The following CPNE8 variants were observed in gnomAD, a reference collection of about 807,000 sequenced individuals.
CPNE8 encodes copine-8.
Under a neutral mutation model 81.5 loss-of-function variants are expected in CPNE8, and 45 were observed. That is an observed-to-expected ratio of 0.55 (90% confidence interval 0.44 to 0.71). CPNE8 has a LOEUF of 0.71. CPNE8 is among the 30% of genes least tolerant of loss of function. CPNE8 has a pLI of 0.00. For missense variants in CPNE8, 594 were observed against 672.1 expected, an observed-to-expected ratio of 0.88 and a Z score of 1.28; for synonymous variants, 252 against 226.3, an observed-to-expected ratio of 1.11 and a Z score of -1.02.
At chr12:38,884,124 C>T (rs1304857988) in intron 1 of CPNE8, among the ~76,000 whole-genome samples, 1 of 152,166 alleles carries the variant, frequency 6.6e-6, no homozygotes, top group Non-Finnish European at 1.5e-5. Context: ...ACTACTACCA[C>T]TATCTAATTT....
chr12:38,689,754 C>T (rs933773972), intron 15 of CPNE8, among the ~76,000 whole-genome samples: 67 of 152,218 alleles, frequency 4.4e-4, no homozygotes, highest in Admixed American at 3.5e-3. Context: ...TCTATTGGTC[C>T]GCATGGAAGA....
intron 6 of CPNE8, among the ~76,000 whole-genome samples, chr12:38,813,068 AT>A (rs1942965156): frequency 6.6e-6 from 1 of 152,214 alleles, no homozygotes; most frequent in South Asian, 2.1e-4. Flanking sequence ...GTTTAGGAAT[AT>A]GAGAATAAAC....
Position 38,685,519 on chromosome 12 carries a change from G to T in CPNE8, c.1242C>A (p.Asn414Lys). The change falls in exon 16 of 20, where the codon AAC (asparagine) becomes AAA (lysine). Residue 414 changes from asparagine (N) to lysine (K), a missense_variant. Transcript: ENST00000331366. ...LKSVQLYGPT[N>K]FAPVINHVAR... ...CTACATGATTAATTACAGGAGCAAA[G>T]TTGGTGGGCCCATATAGTTGTACAG... is the stretch of plus-strand genomic sequence containing the variant. 6.2e-7 allele frequency: 1 copy of T among 1,613,434 alleles called. No individual in the cohort carries two copies. The highest frequency in any genetic ancestry group is 1.1e-5 in the South Asian group (1 of 91,056).
intron 6 of CPNE8, among the ~76,000 whole-genome samples, chr12:38,801,712 C>A: frequency 1.8e-5 from 1 of 54,324 alleles, no homozygotes. Context: ...CACAGACTGG[C>A]AAGTTGGATA....
chr12:38,669,283 A>C (rs1939123273), intron 19 of CPNE8, among the ~76,000 whole-genome samples: 1 of 152,166 alleles, frequency 6.6e-6, no homozygotes, highest in African/African-American at 2.4e-5. Context: ...CTGACTAATG[A>C]AGAATAATTA....
At chr12:38,674,419 A>G (rs1939245164) in intron 18 of CPNE8, among the ~76,000 whole-genome samples, 1 of 152,182 alleles carries the variant, frequency 6.6e-6, no homozygotes, top group Admixed American at 6.5e-5. Context: ...GTAGCCAAAG[A>G]AGAAAGCATG....
At chr12:38,772,908 T>TTA (rs527596165) in intron 7 of CPNE8, among the ~76,000 whole-genome samples, 137 of 143,830 alleles carry the variant, frequency 9.5e-4, no homozygotes, top group African/African-American at 3.1e-3. Flanking sequence ...AGAAAATGTT[T>TTA]TATATATATA....
intron 11 of CPNE8, chr12:38,726,269 A>G (rs948335111): frequency 1.4e-4 from 21 of 151,072 alleles, no homozygotes; most frequent in African/African-American, 5.1e-4. Flanking sequence ...CGGCTCACCA[A>G]AAAAAAAAAC....
At chr12:38,703,053 C>T in intron 13 of CPNE8, 132 bp from the exon 14 acceptor site, 1 of 535,990 alleles carries the variant, frequency 1.9e-6, no homozygotes. Context: ...TATTACAGTA[C>T]ATATTGGATA....
chr12:38,787,498 A>G (rs541678255), intron 6 of CPNE8, among the ~76,000 whole-genome samples: 1 of 151,562 alleles, frequency 6.6e-6, no homozygotes, highest in African/African-American at 2.4e-5. Context: ...AAAAAAAAAA[A>G]AAGAAAAACT....
intron 1 of CPNE8, among the ~76,000 whole-genome samples, chr12:38,896,964 G>T (rs772233553): frequency 2.0e-5 from 3 of 152,064 alleles, no homozygotes; most frequent in Non-Finnish European, 4.4e-5. Flanking sequence ...GACAGGCTGG[G>T]CATTGTACAG....
intron 3 of CPNE8, among the ~76,000 whole-genome samples, chr12:38,850,179 C>A (rs1943624045): frequency 6.6e-6 from 1 of 152,120 alleles, no homozygotes; most frequent in African/African-American, 2.4e-5. Context: ...GACCCTCCAC[C>A]CTCCCACTGT....
chr12:38,897,655 T>TG (rs1414316315), intron 1 of CPNE8, among the ~76,000 whole-genome samples: 1 of 150,474 alleles, frequency 6.6e-6, no homozygotes, highest in Non-Finnish European at 1.5e-5. Flanking sequence ...ACATATTGTA[T>TG]TATGTATTAT....
At chr12:38,794,440 T>G (rs1191934971) in intron 6 of CPNE8, among the ~76,000 whole-genome samples, 1 of 152,148 alleles carries the variant, frequency 6.6e-6, no homozygotes, top group African/African-American at 2.4e-5. Flanking sequence ...GAGTTAATAA[T>G]AAATAAGAGC....
chr12:38,836,527 C>A (rs1943383681), intron 5 of CPNE8, among the ~76,000 whole-genome samples: 1 of 151,694 alleles, frequency 6.6e-6, no homozygotes, highest in African/African-American at 2.4e-5. Flanking sequence ...TCAAAATTAT[C>A]GGAAAAGAGA....
chr12:38,663,772 C>T (rs560140139), intron 19 of CPNE8, among the ~76,000 whole-genome samples: 9 of 152,198 alleles, frequency 5.9e-5, no homozygotes, highest in Admixed American at 5.9e-4. Flanking sequence ...AGCATATGCA[C>T]ACAATGAAAT....
At chr12:38,882,682 C>CA (rs990220120) in intron 1 of CPNE8, among the ~76,000 whole-genome samples, 2 of 152,130 alleles carry the variant, frequency 1.3e-5, no homozygotes, top group Non-Finnish European at 2.9e-5. Flanking sequence ...GCCTCGCTTG[C>CA]AAAAAACCCA....
chr12:38,697,650 T>C (rs1235370892), intron 14 of CPNE8, among the ~76,000 whole-genome samples: 1 of 152,154 alleles, frequency 6.6e-6, no homozygotes, highest in Non-Finnish European at 1.5e-5. Context: ...CCCCTCCAAA[T>C]CTCAATGTTG....
At chr12:38,904,231 G>A (rs1279421999) in intron 1 of CPNE8, among the ~76,000 whole-genome samples, 2 of 152,164 alleles carry the variant, frequency 1.3e-5, no homozygotes, top group Admixed American at 6.5e-5. Flanking sequence ...GATAAATGAG[G>A]AGCCAGTTTT....
Sources: gnomAD v4.1 joint callset for allele counts (sites outside exome capture counted in the v4.1 genomes callset) on GRCh38, gnomAD v4.1.1 for gene constraint, MANE v1.5 for transcripts, NCBI Gene and HGNC (gene_info 2026-07-23, HGNC 2026-07-21) for gene names.